FOXO3: variants seen among roughly 807,000 people sequenced by gnomAD.
FOXO3 encodes the protein forkhead box protein O3.
FOXO3 carries 4 observed loss-of-function variants against 41.9 expected under a neutral mutation model. The observed-to-expected ratio is 0.10, with a 90% CI of 0.05 to 0.22. The LOEUF (loss-of-function observed/expected upper bound fraction) is 0.22. FOXO3 is among the 10% of genes least tolerant of loss of function. FOXO3 has a pLI of 1.00. For missense variants in FOXO3, 534 were observed against 906.8 expected (o/e 0.59, Z 5.28); for synonymous variants, 318 against 389.3 (o/e 0.82, Z 2.16).
At chr6:108,580,429 A>G (rs577698037) in intron 1 of FOXO3, among the ~76,000 whole-genome samples, 7 of 152,112 alleles carry the variant, frequency 4.6e-5, no homozygotes, top group African/African-American at 1.7e-4. Flanking sequence ...CTCATGATCC[A>G]CCCACCTTGG....
At chr6:108,662,373 G>T (rs1179640739) in intron 1 of FOXO3, among the ~76,000 whole-genome samples, 1 of 152,116 alleles carries the variant, frequency 6.6e-6, no homozygotes, top group Non-Finnish European at 1.5e-5. Context: ...CTCTAAAGTT[G>T]CTCTTTTCCC....
At chr6:108,601,533 A>G (rs1476095678) in intron 1 of FOXO3, among the ~76,000 whole-genome samples, 1 of 152,048 alleles carries the variant, frequency 6.6e-6, no homozygotes, top group Non-Finnish European at 1.5e-5. Context: ...TAAACTCCCG[A>G]TCTCAGGTGA....
chr6:108,675,336 G>A (rs1480812215), intron 2 of FOXO3, among the ~76,000 whole-genome samples: 2 of 152,158 alleles, frequency 1.3e-5, no homozygotes, highest in African/African-American at 4.8e-5. Context: ...TGGAAGGGCA[G>A]TCCACTCCAG....
At chr6:108,575,964 C>G (rs942967852) in intron 1 of FOXO3, among the ~76,000 whole-genome samples, 3 of 152,168 alleles carry the variant, frequency 2.0e-5, no homozygotes, top group Admixed American at 1.3e-4. Context: ...CTGGAATTGA[C>G]TTACGAAAAT....
chr6:108,560,798 T>TCCCCCA, upstream of FOXO3: 1 of 263,616 alleles, frequency 3.8e-6, no homozygotes, highest in Non-Finnish European at 6.5e-6. Context: ...CCCCTCCCCC[T>TCCCCCA]TCTCCCCGCC....
chr6:108,562,963 T>C (rs1775856627), intron 1 of FOXO3, among the ~76,000 whole-genome samples: 1 of 152,244 alleles, frequency 6.6e-6, no homozygotes, highest in Admixed American at 6.5e-5. Context: ...ATACATCTCT[T>C]ATCAGCTGCC....
At chr6:108,597,073 A>G (rs2128365087) in intron 1 of FOXO3, among the ~76,000 whole-genome samples, 1 of 152,320 alleles carries the variant, frequency 6.6e-6, no homozygotes, top group Non-Finnish European at 1.5e-5. Context: ...TACTCTGGAG[A>G]TGGCAGCAGC....
chr6:108,583,607 T>C (rs1430253625), intron 1 of FOXO3, among the ~76,000 whole-genome samples: 1 of 152,192 alleles, frequency 6.6e-6, no homozygotes, highest in Non-Finnish European at 1.5e-5. Flanking sequence ...TATCTTTTAT[T>C]GGGAATTAAG....
At position 108,585,373 on chromosome 6, in the gene FOXO3, A is replaced by C. The variant is rs1351576281; in HGVS notation, c.621+23544A>C. Among the ~76,000 whole-genome samples the C allele has an allele frequency of 2.0e-5, 3 of 152,194 alleles. No individual in the cohort carries two copies. The South Asian group carries it at 6.2e-4, about 31-fold the overall frequency. Reference sequence around the variant, plus strand: ...CTCCAAAATCTTCAAGCCATGAAGAATCTTTGCCATCTTATTTATTTTCCC... The same window carrying C: ...CTCCAAAATCTTCAAGCCATGAAGACTCTTTGCCATCTTATTTATTTTCCC... On this transcript the variant is annotated intron_variant, in intron 1 of 2. Transcript: ENST00000406360.
chr6:108,639,437 G>A (rs113229744), intron 1 of FOXO3: 280 of 456,820 alleles, frequency 6.1e-4, no homozygotes, highest in Non-Finnish European at 7.9e-4. Context: ...CAAATACATT[G>A]GACAGAAATG....
intron 1 of FOXO3, chr6:108,656,344 G>C (rs886948722): frequency 1.0e-6 from 1 of 985,036 alleles, no homozygotes; most frequent in Non-Finnish European, 1.2e-6. Flanking sequence ...TGGTGTCTGG[G>C]TGAGTGGACA....
At chr6:108,611,520 C>A (rs1290998470) in intron 1 of FOXO3, among the ~76,000 whole-genome samples, 1 of 152,162 alleles carries the variant, frequency 6.6e-6, no homozygotes, top group East Asian at 1.9e-4. Context: ...ACCTCCTCTC[C>A]AACACATGTA....
In FOXO3 at chr6:108,593,709, CTTCTTTTTTTT is replaced by C. The variant is rs1341050358; in HGVS notation, c.621+31883_621+31893del. Among the ~76,000 whole-genome samples the C allele has an allele frequency of 4.4e-5, 5 of 114,698 alleles. No homozygotes were observed. In the South Asian group the frequency reaches 1.1e-3, roughly 25 times the overall value. 75.2% of individuals were successfully genotyped at this position (114,698 alleles called of 152,430 possible). A position where few individuals can be genotyped will look rare whatever the true frequency, so the allele number is the denominator to read the frequency against. On this transcript the variant is annotated intron_variant, in intron 1 of 2. Transcript: ENST00000406360. Reference sequence around the variant, plus strand: ...CTGTGTATTTTTCTTTTCTTTTCTTCTTCTTTTTTTTTTTTTTTTTTTTTTGAGATGTAGTC... The same window carrying C: ...CTGTGTATTTTTCTTTTCTTTTCTTCTTTTTTTTTTTTTTGAGATGTAGTC...
chr6:108,601,629 A>C (rs1582765818), intron 1 of FOXO3, among the ~76,000 whole-genome samples: 1 of 152,210 alleles, frequency 6.6e-6, no homozygotes, highest in South Asian at 2.1e-4. Context: ...TCTTATAGCA[A>C]CAGCTACCTC....
intron 2 of FOXO3, 27 bp downstream of exon 2, chr6:108,664,916 A>G (rs1010532965): frequency 6.4e-7 from 1 of 1,571,076 alleles, no homozygotes; most frequent in African/African-American, 1.4e-5. Flanking sequence ...ATGGCATAAA[A>G]ATAACAATAT....
chr6:108,678,425 A>G (rs1460657679), intron 2 of FOXO3, among the ~76,000 whole-genome samples: 1 of 152,050 alleles, frequency 6.6e-6, no homozygotes, highest in Non-Finnish European at 1.5e-5. Context: ...CTCCATAAAC[A>G]AAGAATCTTA....
At chr6:108,651,240 T>C (rs1039309214) in intron 1 of FOXO3, among the ~76,000 whole-genome samples, 8 of 152,248 alleles carry the variant, frequency 5.3e-5, no homozygotes, top group Admixed American at 6.5e-5. Context: ...GCATTTACTT[T>C]CTCTGCTTCT....
intron 1 of FOXO3, among the ~76,000 whole-genome samples, chr6:108,638,589 A>G (rs1236847758): frequency 6.6e-6 from 1 of 152,150 alleles, no homozygotes; most frequent in Non-Finnish European, 1.5e-5. Context: ...AGTGGTGTCA[A>G]AAAATAAGTA....
intron 1 of FOXO3, among the ~76,000 whole-genome samples, chr6:108,628,413 G>A (rs776470700): frequency 2.0e-5 from 3 of 152,206 alleles, no homozygotes; most frequent in Non-Finnish European, 4.4e-5. Flanking sequence ...AGTATTAACT[G>A]AGATAAAGCA....
Sources: gnomAD v4.1 joint callset for allele counts (sites outside exome capture counted in the v4.1 genomes callset) on GRCh38, gnomAD v4.1.1 for gene constraint, MANE v1.5 for transcripts, NCBI Gene and HGNC (gene_info 2026-07-23, HGNC 2026-07-21) for gene names.